The following HDX variants were observed in gnomAD, a reference collection of about 807,000 sequenced individuals.
HDX encodes chromosome X open reading frame 43.
In HDX, 19 loss-of-function variants were observed where a neutral mutation model predicts 45.2. The ratio of observed to expected loss-of-function variants is 0.42; its 90% CI spans 0.29 to 0.62. HDX has a LOEUF of 0.62. Ranked by LOEUF, HDX falls within the 20% of genes least tolerant of loss-of-function variation. The pLI is 0.20. For missense variants in HDX, 532 were observed against 493.9 expected, an observed-to-expected ratio of 1.08 and a Z score of -0.73; for synonymous variants, 188 against 172.8, an observed-to-expected ratio of 1.09 and a Z score of -0.69.
At chrX:84,483,436 C>A (rs1330650792) in intron 2 of HDX, among the ~76,000 whole-genome samples, 1 of 112,518 alleles carries the variant, frequency 8.9e-6, no homozygotes, top group Non-Finnish European at 1.9e-5. Context: ...GTGTAAGCCA[C>A]CAAGGTTTAG....
intron 4 of HDX, among the ~76,000 whole-genome samples, chrX:84,455,457 A>G (rs1287142430): frequency 8.9e-6 from 1 of 112,154 alleles, no homozygotes. Context: ...GTATCTTGGG[A>G]GCAGAATTGA....
intron 1 of HDX, among the ~76,000 whole-genome samples, chrX:84,492,342 C>G (rs1225382531): frequency 9.0e-6 from 1 of 110,591 alleles, no homozygotes; most frequent in Non-Finnish European, 1.9e-5. Flanking sequence ...AATCCTGTTA[C>G]TGTTACTTCA....
At position 84,385,196 on chromosome X, in the gene HDX, C is replaced by CTTTTTTTTTTT. The variant is rs146043472; in HGVS notation, c.1306-23595_1306-23585dup. Reference sequence around the variant, plus strand: ...CATATATTTGTGTCATCTCTGATTTCTTTTTTTTTTTTTTTTTTTTTTTTT... The same window carrying CTTTTTTTTTTT: ...CATATATTTGTGTCATCTCTGATTTCTTTTTTTTTTTTTTTTTTTTTTTTTTTTTTTTTTTT... On this transcript the variant is annotated intron_variant, in intron 5 of 10. Coordinates refer to ENST00000373177, the MANE Select transcript of HDX (RefSeq NM_001177479.2). 2.7e-4 allele frequency among the ~76,000 whole-genome samples: 8 copies of CTTTTTTTTTTT among 29,528 alleles called. 2 individuals are homozygous for CTTTTTTTTTTT. The highest frequency in any genetic ancestry group is 1.1e-3 in the African/African-American group (7 of 6,281). The allele number at this position is 29,528 out of a possible 115,157, so 25.6% of individuals were successfully genotyped here. A position where few individuals can be genotyped will look rare whatever the true frequency, so the allele number is the denominator to read the frequency against.
chrX:84,329,294 G>C (rs757922156), intron 9 of HDX, among the ~76,000 whole-genome samples: 42 of 111,730 alleles, frequency 3.8e-4, no homozygotes, highest in Non-Finnish European at 7.3e-4. Flanking sequence ...TTGGCCAAGA[G>C]GGGGGGTTCA....
Position 84,444,259 on chromosome X carries a change from G to T in HDX, c.1252-3674C>A, listed in dbSNP as rs142892769. On this transcript the variant is annotated intron_variant, in intron 4 of 10. Coordinates refer to ENST00000373177, the MANE Select transcript of HDX (RefSeq NM_001177479.2). ...AGGTCCCTGTGTGGAGATCATGAAT[G>T]GCAAAGTGCATTTATATCTAATTCT... Among the ~76,000 whole-genome samples the T allele has an allele frequency of 9.0e-5, 10 of 111,248 alleles. No homozygotes were observed. The East Asian group carries it at 2.8e-3, about 32-fold the overall frequency.
intron 4 of HDX, among the ~76,000 whole-genome samples, chrX:84,450,045 T>C (rs2039963291): frequency 9.1e-6 from 1 of 110,474 alleles, no homozygotes; most frequent in African/African-American, 3.3e-5. Flanking sequence ...ACATGGCACA[T>C]GTATACATAT....
chrX:84,324,232 C>T (rs2036661540), intron 10 of HDX, among the ~76,000 whole-genome samples: 1 of 111,225 alleles, frequency 9.0e-6, no homozygotes, highest in South Asian at 3.7e-4. Context: ...ACATCTGACT[C>T]AACTTACACA....
At chrX:84,349,726 C>T in intron 6 of HDX, among the ~76,000 whole-genome samples, 1 of 104,800 alleles carries the variant, frequency 9.5e-6, no homozygotes, top group African/African-American at 3.5e-5. Flanking sequence ...TAGAATACTA[C>T]TCAGTCTTAA....
chrX:84,414,904 A>G (rs1042550230), intron 5 of HDX, among the ~76,000 whole-genome samples: 3 of 112,316 alleles, frequency 2.7e-5, no homozygotes, highest in African/African-American at 9.7e-5. Flanking sequence ...TAAATATGCT[A>G]GTATTATTTT....
At chrX:84,356,076 G>A (rs1360235155) in intron 6 of HDX, among the ~76,000 whole-genome samples, 2 of 110,141 alleles carry the variant, frequency 1.8e-5, no homozygotes, top group African/African-American at 6.6e-5. Flanking sequence ...CTTCTTAGAA[G>A]TACAAGACAT....
intron 3 of HDX, among the ~76,000 whole-genome samples, chrX:84,473,234 C>A (rs1369362481): frequency 9.5e-6 from 1 of 104,835 alleles, no homozygotes; most frequent in African/African-American, 3.5e-5. Context: ...GGATCAAGTT[C>A]TTAATACAGT....
chrX:84,368,316 G>C (rs1416695995), intron 5 of HDX, among the ~76,000 whole-genome samples: 2 of 111,406 alleles, frequency 1.8e-5, no homozygotes, highest in Non-Finnish European at 1.9e-5. Context: ...TTAAAGTGTT[G>C]TCTTTTTTAC....
At chrX:84,458,795 A>G (rs761616501) in intron 4 of HDX, among the ~76,000 whole-genome samples, 2 of 112,036 alleles carry the variant, frequency 1.8e-5, no homozygotes, top group Admixed American at 9.5e-5. Context: ...AAAATGGACC[A>G]TAAACTGTTT....
intron 6 of HDX, among the ~76,000 whole-genome samples, chrX:84,350,095 C>A (rs1367548529): frequency 9.0e-6 from 1 of 111,118 alleles, no homozygotes; most frequent in Admixed American, 9.6e-5. Flanking sequence ...CTTTGACCCA[C>A]GGATTATTTA....
intron 5 of HDX, among the ~76,000 whole-genome samples, chrX:84,364,068 T>C (rs1465662014): frequency 8.9e-6 from 1 of 112,018 alleles, no homozygotes; most frequent in Non-Finnish European, 1.9e-5. Flanking sequence ...AGGACACTTC[T>C]AAGAGTTTGG....
In HDX at chrX:84,319,348, C is replaced by T. The variant is rs757375614; in HGVS notation, c.*2541G>A. 294 of 111,152 alleles carry T rather than the reference C, an allele frequency of 2.6e-3. 2 individuals are homozygous for T. The highest frequency in any genetic ancestry group is 9.2e-3 in the African/African-American group (284 of 30,824). 9.2% of individuals were successfully genotyped at this position (111,152 alleles called of 1,213,427 possible). A position where few individuals can be genotyped will look rare whatever the true frequency, so the allele number is the denominator to read the frequency against. ...CTCTAACATATCTCAAAACCAACTC[C>T]TATCTACATATGTAAAAAATATACT... On this transcript the variant is annotated 3_prime_UTR_variant, in exon 11 of 11. Coordinates refer to ENST00000373177, the MANE Select transcript of HDX (RefSeq NM_001177479.2).
intron 5 of HDX, among the ~76,000 whole-genome samples, chrX:84,421,979 G>T (rs1297985559): frequency 9.3e-6 from 1 of 107,201 alleles, no homozygotes; most frequent in Non-Finnish European, 1.9e-5. Flanking sequence ...ACAAACAACT[G>T]TCAACATTAG....
chrX:84,482,190 A>T (rs1444735916), intron 2 of HDX, among the ~76,000 whole-genome samples: 2 of 111,722 alleles, frequency 1.8e-5, no homozygotes, highest in African/African-American at 6.5e-5. Context: ...GAGTCCAGGT[A>T]TCTTTTAGAT....
Position 84,412,864 on chromosome X carries a change from G to T in HDX, c.1305+27668C>A, listed in dbSNP as rs1460769136. Among the ~76,000 whole-genome samples, 4 of 111,909 alleles carry T rather than the reference G, an allele frequency of 3.6e-5. No individual in the cohort carries two copies. In the East Asian group the frequency reaches 1.1e-3, roughly 31 times the overall value. On this transcript the variant is annotated intron_variant, in intron 5 of 10. Transcript: ENST00000373177. ...ATTTCTCAGAGGTTTTGTACATTCT[G>T]TATATTTTATTTGCGATTATTCGGG...
Sources: gnomAD v4.1 joint callset for allele counts (sites outside exome capture counted in the v4.1 genomes callset) on GRCh38, gnomAD v4.1.1 for gene constraint, MANE v1.5 for transcripts, NCBI Gene and HGNC (gene_info 2026-07-23, HGNC 2026-07-21) for gene names.